The following TTC28 variants were observed in gnomAD, a reference collection of about 807,000 sequenced individuals.
The protein encoded by TTC28 is tetratricopeptide repeat protein 28.
A neutral mutation model predicts 198.0 loss-of-function variants in TTC28; 61 were observed. That is an observed-to-expected ratio of 0.31 (90% CI 0.25 to 0.38). TTC28 has a LOEUF of 0.38. TTC28 is among the 10% of genes least tolerant of loss of function. TTC28 has a pLI of 1.00. For synonymous variants in TTC28, 1,171 were observed against 1,297.8 expected (o/e 0.90, Z 2.10); for missense variants, 2,678 against 3,164.0 (o/e 0.85, Z 3.69).
At chr22:28,102,923 A>G (rs894049749) in intron 8 of TTC28, among the ~76,000 whole-genome samples, 36 of 152,242 alleles carry the variant, frequency 2.4e-4, no homozygotes, top group African/African-American at 7.7e-4. Flanking sequence ...CCAGAAGGAT[A>G]CCGATTGTTT....
chr22:28,592,575 T>C (rs996275529), intron 2 of TTC28, among the ~76,000 whole-genome samples: 4 of 152,134 alleles, frequency 2.6e-5, no homozygotes, highest in Non-Finnish European at 4.4e-5. Flanking sequence ...TCACAAGATA[T>C]CTCTGCTCTG....
intron 2 of TTC28, among the ~76,000 whole-genome samples, chr22:28,360,363 C>G (rs903640923): frequency 5.3e-5 from 8 of 152,204 alleles, no homozygotes; most frequent in Middle Eastern, 3.2e-3. Context: ...CACTTGAAAT[C>G]AGGAGACCTA....
chr22:28,026,691 G>T (rs1938849037), intron 13 of TTC28, among the ~76,000 whole-genome samples: 1 of 152,166 alleles, frequency 6.6e-6, no homozygotes, highest in Admixed American at 6.5e-5. Flanking sequence ...GCACTAGAGG[G>T]AAGTTGCAGA....
chr22:28,101,716 C>A (rs1375800234), intron 8 of TTC28, among the ~76,000 whole-genome samples: 1 of 133,850 alleles, frequency 7.5e-6, no homozygotes, highest in Non-Finnish European at 1.5e-5. Flanking sequence ...GAGGCTGAGG[C>A]AGGAGGACTG....
intron 21 of TTC28, among the ~76,000 whole-genome samples, chr22:27,988,437 G>A (rs916550426): frequency 2.0e-5 from 3 of 151,846 alleles, no homozygotes; most frequent in African/African-American, 7.3e-5. Context: ...ACAGGCATGC[G>A]CCTCCATGCC....
intron 12 of TTC28, among the ~76,000 whole-genome samples, chr22:28,041,690 A>C (rs940444106): frequency 3.3e-5 from 5 of 152,220 alleles, no homozygotes; most frequent in Non-Finnish European, 7.3e-5. Flanking sequence ...CTTCATGCCT[A>C]AAACACCAAA....
At chr22:28,311,451 G>A (rs1020807985) in intron 2 of TTC28, among the ~76,000 whole-genome samples, 1 of 152,054 alleles carries the variant, frequency 6.6e-6, no homozygotes, top group Non-Finnish European at 1.5e-5. Flanking sequence ...GATGGAAAAC[G>A]ATAAAATTAG....
chr22:28,567,088 G>T (rs565587316), intron 2 of TTC28, among the ~76,000 whole-genome samples: 1 of 151,934 alleles, frequency 6.6e-6, no homozygotes, highest in Non-Finnish European at 1.5e-5. Context: ...GGTGGCGGAC[G>T]CCTGTAATCC....
At chr22:28,534,302 A>G (rs2049214507) in intron 2 of TTC28, among the ~76,000 whole-genome samples, 1 of 152,252 alleles carries the variant, frequency 6.6e-6, no homozygotes, top group Non-Finnish European at 1.5e-5. Context: ...GCCAAAAGAC[A>G]CATGAAAAAA....
chr22:28,415,714 C>T (rs764917313), intron 2 of TTC28, among the ~76,000 whole-genome samples: 24 of 152,198 alleles, frequency 1.6e-4, no homozygotes, highest in Non-Finnish European at 2.8e-4. Flanking sequence ...ACAGAAAGAC[C>T]GCCAGCAAAC....
At chr22:28,251,486 G>C (rs922562685) in intron 5 of TTC28, among the ~76,000 whole-genome samples, 2 of 152,182 alleles carry the variant, frequency 1.3e-5, no homozygotes, top group Non-Finnish European at 1.5e-5. Context: ...ACCAGGTTCA[G>C]AAGTACAGCT....
At chr22:28,336,215 T>C (rs1195700866) in intron 2 of TTC28, among the ~76,000 whole-genome samples, 1 of 152,218 alleles carries the variant, frequency 6.6e-6, no homozygotes, top group East Asian at 1.9e-4. Flanking sequence ...TATAAGCTTG[T>C]TGATGTGCTG....
At chr22:28,273,341 C>A (rs1569233379) in intron 5 of TTC28, among the ~76,000 whole-genome samples, 1 of 151,876 alleles carries the variant, frequency 6.6e-6, no homozygotes, top group African/African-American at 2.4e-5. Flanking sequence ...AATTATTAGA[C>A]ATATAATTTA....
At chr22:28,360,742 C>T (rs2046145899) in intron 2 of TTC28, among the ~76,000 whole-genome samples, 1 of 152,168 alleles carries the variant, frequency 6.6e-6, no homozygotes, top group Non-Finnish European at 1.5e-5. Context: ...CTTTATTGTG[C>T]TTTGCAGATA....
At chr22:28,672,113 G>A (rs1025073262) in intron 1 of TTC28, among the ~76,000 whole-genome samples, 2 of 151,794 alleles carry the variant, frequency 1.3e-5, no homozygotes, top group Admixed American at 6.6e-5. Flanking sequence ...TGCAACATCC[G>A]CCTCCTGAGT....
chr22:28,170,993 T>C (rs1182653447), intron 5 of TTC28, among the ~76,000 whole-genome samples: 2 of 151,716 alleles, frequency 1.3e-5, no homozygotes, highest in East Asian at 1.9e-4. Flanking sequence ...TTTTTTTTTT[T>C]TTTTCTTATT....
At chr22:28,622,108 T>A (rs1305156425) in intron 2 of TTC28, among the ~76,000 whole-genome samples, 1 of 151,978 alleles carries the variant, frequency 6.6e-6, no homozygotes, top group Admixed American at 6.6e-5. Flanking sequence ...GTAAAGTGAG[T>A]CCCCATTTTC....
At chr22:28,389,313 T>A (rs1007609310) in intron 2 of TTC28, among the ~76,000 whole-genome samples, 23 of 152,164 alleles carry the variant, frequency 1.5e-4, no homozygotes, top group Admixed American at 1.4e-3. Flanking sequence ...CCTTTTTGGT[T>A]GTGTCTCTGC....
intron 3 of TTC28, among the ~76,000 whole-genome samples, chr22:28,299,016 G>T (rs1008053911): frequency 6.6e-6 from 1 of 152,004 alleles, no homozygotes; most frequent in Admixed American, 6.6e-5. Flanking sequence ...TTTTCATATG[G>T]TATTAAAAGA....
Sources: allele counts gnomAD v4.1 joint callset (sites outside exome capture counted in the v4.1 genomes callset), GRCh38; gene constraint gnomAD v4.1.1; transcripts MANE v1.5; gene names NCBI Gene and HGNC (gene_info 2026-07-23, HGNC 2026-07-21).